Variants in ATG4C observed in about 807,000 individuals in gnomAD.
ATG4C encodes cysteine protease ATG4C.
ATG4C carries 56 observed loss-of-function variants against 57.6 expected under a neutral mutation model. That is an observed-to-expected ratio of 0.97 (90% CI 0.78 to 1.21). ATG4C has a LOEUF of 1.21. ATG4C is among the 50% of genes most tolerant of loss of function. ATG4C has a pLI of 0.00. For missense variants in ATG4C, 595 were observed against 529.8 expected (o/e 1.12, Z -1.21); for synonymous variants, 157 against 174.1 (o/e 0.90, Z 0.78).
At chr1:62,799,725 G>A (rs1664591996) in intron 1 of ATG4C, among the ~76,000 whole-genome samples, 1 of 152,080 alleles carries the variant, frequency 6.6e-6, no homozygotes, top group East Asian at 1.9e-4. Flanking sequence ...CATGAAAAAT[G>A]GGGTATCCAT....
At chr1:62,796,012 C>T (rs1328371894) in intron 1 of ATG4C, among the ~76,000 whole-genome samples, 2 of 152,206 alleles carry the variant, frequency 1.3e-5, no homozygotes, top group South Asian at 2.1e-4. Context: ...ATCAGTTAAT[C>T]ACTGGGGCAG....
chr1:62,847,077 T>C (rs572827428), intron 10 of ATG4C, among the ~76,000 whole-genome samples: 14 of 152,330 alleles, frequency 9.2e-5, no homozygotes, highest in African/African-American at 3.1e-4. Context: ...CTCAGGAGGC[T>C]GAGGCACGAA....
At chr1:62,831,878 T>A (rs1026777816) in intron 7 of ATG4C, among the ~76,000 whole-genome samples, 1 of 152,238 alleles carries the variant, frequency 6.6e-6, no homozygotes, top group Admixed American at 6.5e-5. Context: ...TTTCTTCCGT[T>A]ACTTAGAACC....
At chr1:62,787,813 G>A (rs1000554718) in intron 1 of ATG4C, among the ~76,000 whole-genome samples, 15 of 151,694 alleles carry the variant, frequency 9.9e-5, no homozygotes, top group African/African-American at 3.4e-4. Context: ...TATATACATA[G>A]GTTAATAAAA....
intron 10 of ATG4C, among the ~76,000 whole-genome samples, chr1:62,850,572 G>A (rs1201861324): frequency 1.3e-5 from 2 of 151,790 alleles, no homozygotes; most frequent in Admixed American, 1.3e-4. Flanking sequence ...ACTCTCTCAA[G>A]TCCAGCCACA....
At chr1:62,805,026 T>C (rs1664810020) in intron 2 of ATG4C, 146 bp from the exon 3 acceptor site, 12 of 1,289,222 alleles carry the variant, frequency 9.3e-6, no homozygotes, top group African/African-American at 1.6e-5. Flanking sequence ...TGTTCAAATA[T>C]TGTATTTTGC....
At chr1:62,858,530 A>C (rs931947873) in intron 10 of ATG4C, among the ~76,000 whole-genome samples, 3 of 152,184 alleles carry the variant, frequency 2.0e-5, no homozygotes, top group Admixed American at 1.3e-4. Context: ...GAATGTAGAC[A>C]GAAGATAAAG....
intron 3 of ATG4C, among the ~76,000 whole-genome samples, chr1:62,809,136 C>T (rs959462935): frequency 1.3e-5 from 2 of 151,658 alleles, no homozygotes; most frequent in Admixed American, 1.3e-4. Flanking sequence ...ACAGGGTCTC[C>T]CTATGTTGTC....
intron 9 of ATG4C, among the ~76,000 whole-genome samples, chr1:62,840,111 G>A (rs756944621): frequency 3.9e-5 from 6 of 152,142 alleles, no homozygotes; most frequent in African/African-American, 7.2e-5. Flanking sequence ...GGCATTGAAT[G>A]TAGGGAAACT....
intron 10 of ATG4C, 45 bp from the exon 11 acceptor site, chr1:62,863,946 GC>G: frequency 7.4e-7 from 1 of 1,352,720 alleles, no homozygotes; most frequent in East Asian, 2.4e-5. Flanking sequence ...GTCTTAGTGT[GC>G]ACTATTGCAT....
chr1:62,848,493 T>C (rs903474193), intron 10 of ATG4C, among the ~76,000 whole-genome samples: 1 of 152,228 alleles, frequency 6.6e-6, no homozygotes, highest in African/African-American at 2.4e-5. Flanking sequence ...ATAAATTCTC[T>C]CAGCTTTTGT....
At position 62,809,091 on chromosome 1, in the gene ATG4C, G is replaced by T. The variant is rs545334254; in HGVS notation, c.160+3836G>T. 4.6e-5 allele frequency among the ~76,000 whole-genome samples: 7 copies of T among 151,906 alleles called. No individual in the cohort carries two copies. In the South Asian group the frequency reaches 8.3e-4, roughly 18 times the overall value. On this transcript the variant is annotated intron_variant, in intron 3 of 10. Transcript: ENST00000317868. ...TGGGACCACAGGTGTGTGCCACCAC[G>T]CCCAGTTAATTTTTTATTTTTATTT...
At chr1:62,789,168 C>T (rs1253224694) in intron 1 of ATG4C, among the ~76,000 whole-genome samples, 1 of 152,184 alleles carries the variant, frequency 6.6e-6, no homozygotes, top group Non-Finnish European at 1.5e-5. Context: ...CCACTTCTGT[C>T]ATTCCTACAT....
intron 3 of ATG4C, among the ~76,000 whole-genome samples, chr1:62,811,655 C>G (rs1398032541): frequency 6.6e-6 from 1 of 152,148 alleles, no homozygotes; most frequent in Non-Finnish European, 1.5e-5. Context: ...GGCCTAAGAG[C>G]CATTAATTAA....
At chr1:62,803,698 T>C (rs772219618) in intron 1 of ATG4C, 21 bp from the exon 2 acceptor site, 3 of 852,168 alleles carry the variant, frequency 3.5e-6, no homozygotes, top group Non-Finnish European at 5.4e-6. Flanking sequence ...AATTACTGAT[T>C]TTTTTCCTTA....
At chr1:62,801,958 CAAAAAAAAAA>C (rs60298362) in intron 1 of ATG4C, among the ~76,000 whole-genome samples, 630 of 51,906 alleles carry the variant, frequency 0.012, 6 homozygotes, top group African/African-American at 0.035. Flanking sequence ...ACTCTGTCTC[CAAAAAAAAAA>C]AAAAAAAAAA....
At chr1:62,820,914 G>T (rs1194403827) in intron 5 of ATG4C, among the ~76,000 whole-genome samples, 1 of 151,920 alleles carries the variant, frequency 6.6e-6, no homozygotes, top group Non-Finnish European at 1.5e-5. Context: ...AATGTATTTT[G>T]TAATTTGTGT....
At chr1:62,816,941 A>G (rs1321838296) in intron 4 of ATG4C, 133 bp downstream of exon 4, 1 of 732,360 alleles carries the variant, frequency 1.4e-6, no homozygotes, top group Non-Finnish European at 2.2e-6. Flanking sequence ...TTTTCTAAGG[A>G]GTTGTAACTA....
chr1:62,833,966 A>G, intron 7 of ATG4C, 72 bp from the exon 8 acceptor site: 1 of 1,282,968 alleles, frequency 7.8e-7, no homozygotes. Context: ...TAATATTAGT[A>G]ATAGAAATTT....
Sources: gnomAD v4.1 joint callset for allele counts (sites outside exome capture counted in the v4.1 genomes callset) on GRCh38, gnomAD v4.1.1 for gene constraint, MANE v1.5 for transcripts, NCBI Gene and HGNC (gene_info 2026-07-23, HGNC 2026-07-21) for gene names.